Variants in PKHD1 observed in about 807,000 individuals in gnomAD.
PKHD1 encodes PKHD1 ciliary IPT domain containing fibrocystin/polyductin.
PKHD1 carries 291 observed loss-of-function variants against 412.0 expected under a neutral mutation model. The ratio of observed to expected loss-of-function variants is 0.71; its 90% CI spans 0.64 to 0.78. The LOEUF (loss-of-function observed/expected upper bound fraction) is 0.78. PKHD1 is among the 30% of genes least tolerant of loss of function. The pLI is 0.00. For synonymous variants in PKHD1, 1,777 were observed against 1,821.5 expected, an observed-to-expected ratio of 0.98 and a Z score of 0.62; for missense variants, 4,825 against 4,950.7, an observed-to-expected ratio of 0.97 and a Z score of 0.76.
chr6:51,852,594 G>A (rs1298190433), intron 49 of PKHD1, among the ~76,000 whole-genome samples: 1 of 152,104 alleles, frequency 6.6e-6, no homozygotes, highest in Non-Finnish European at 1.5e-5. Flanking sequence ...CCTGTATTGG[G>A]GGCATGTATA....
chr6:51,990,375 A>G (rs780552810), intron 35 of PKHD1, among the ~76,000 whole-genome samples: 2 of 152,120 alleles, frequency 1.3e-5, no homozygotes, highest in African/African-American at 4.8e-5. Flanking sequence ...AACACTGATA[A>G]TATCTGCTCC....
At chr6:51,925,787 T>C (rs1785492635) in intron 37 of PKHD1, among the ~76,000 whole-genome samples, 1 of 152,066 alleles carries the variant, frequency 6.6e-6, no homozygotes, top group Non-Finnish European at 1.5e-5. Context: ...TCCTTCTCTC[T>C]CCCTTCCTCT....
intron 60 of PKHD1, among the ~76,000 whole-genome samples, chr6:51,667,550 T>C (rs1774044613): frequency 6.6e-6 from 1 of 152,176 alleles, no homozygotes; most frequent in African/African-American, 2.4e-5. Context: ...TTTAGTTTAA[T>C]TAGATCCCAT....
At chr6:51,849,468 A>G (rs1185594296) in intron 49 of PKHD1, among the ~76,000 whole-genome samples, 1 of 152,212 alleles carries the variant, frequency 6.6e-6, no homozygotes, top group Admixed American at 6.5e-5. Flanking sequence ...AGGAATTGCC[A>G]TACTGTCTTC....
intron 37 of PKHD1, among the ~76,000 whole-genome samples, chr6:51,917,966 A>C (rs1784089312): frequency 6.6e-6 from 1 of 152,176 alleles, no homozygotes; most frequent in Non-Finnish European, 1.5e-5. Flanking sequence ...CTTAGTGAGA[A>C]AATGGACTTA....
At chr6:51,934,970 G>A (rs1417831271) in intron 36 of PKHD1, among the ~76,000 whole-genome samples, 1 of 152,180 alleles carries the variant, frequency 6.6e-6, no homozygotes. Flanking sequence ...TTAGATCTCA[G>A]TTCCAGTGGT....
intron 60 of PKHD1, among the ~76,000 whole-genome samples, chr6:51,688,020 G>T (rs777521399): frequency 1.6e-4 from 24 of 152,286 alleles, no homozygotes; most frequent in Admixed American, 3.9e-4. Context: ...ACTAGGCAAT[G>T]TGACTTTTTT....
At chr6:51,645,675 G>A (rs956921147) in intron 63 of PKHD1, among the ~76,000 whole-genome samples, 3 of 152,154 alleles carry the variant, frequency 2.0e-5, no homozygotes, top group African/African-American at 2.4e-5. Context: ...TTACAGGCAC[G>A]AACCGCCGTT....
chr6:51,722,592 A>C (rs1424817997), intron 60 of PKHD1, among the ~76,000 whole-genome samples: 2 of 152,244 alleles, frequency 1.3e-5, no homozygotes, highest in African/African-American at 2.4e-5. Context: ...GCAGGCATGC[A>C]AGAGGCACCC....
intron 60 of PKHD1, among the ~76,000 whole-genome samples, chr6:51,660,427 A>G (rs917822159): frequency 6.6e-6 from 1 of 152,080 alleles, no homozygotes; most frequent in African/African-American, 2.4e-5. Context: ...GTGTCACATA[A>G]TTTAACCAAA....
At position 51,710,466 on chromosome 6, in the gene PKHD1, C is replaced by A. The variant is rs138258990; in HGVS notation, c.10156+33919G>T. Among the ~76,000 whole-genome samples, 1,398 of 151,910 alleles carry A rather than the reference C, an allele frequency of 9.2e-3. 19 individuals carry two copies. The highest frequency in any genetic ancestry group is 0.032 in the African/African-American group (1,318 of 41,404). On this transcript the variant is annotated intron_variant, in intron 60 of 66. Transcript: ENST00000371117. Reference sequence around the variant, plus strand: ...AATGACTTTGAAATCACTTTGGAATCTTCACGTCTCAGATTCACCTAACAG... The same window carrying A: ...AATGACTTTGAAATCACTTTGGAATATTCACGTCTCAGATTCACCTAACAG...
chr6:51,716,468 C>G (rs1048551109), intron 60 of PKHD1, among the ~76,000 whole-genome samples: 1 of 152,146 alleles, frequency 6.6e-6, no homozygotes, highest in Non-Finnish European at 1.5e-5. Flanking sequence ...AAGGGGTGCC[C>G]ATTCTCACTT....
chr6:51,714,147 G>T (rs560886086), intron 60 of PKHD1, among the ~76,000 whole-genome samples: 2 of 152,158 alleles, frequency 1.3e-5, no homozygotes, highest in East Asian at 3.9e-4. Flanking sequence ...CGAGGTGGGC[G>T]AATCACGAGA....
Position 52,058,379 on chromosome 6 carries a change from A to G in PKHD1, c.1456T>C (p.Tyr486His). 1 of 1,614,144 alleles carries G rather than the reference A, an allele frequency of 6.2e-7. No individual in the cohort carries two copies. Among genetic ancestry groups the G allele is most frequent in the Non-Finnish European group, 8.5e-7 (1 of 1,180,002 alleles). The change falls in exon 16 of 67, where the codon TAC becomes CAC. Residue 486 changes from tyrosine to histidine, a missense_variant. Tyr to His is a moderately conservative substitution (Grantham distance 83). Coordinates refer to ENST00000371117, the MANE Select transcript of PKHD1 (RefSeq NM_138694.4). The stretch of plus-strand genomic sequence containing the variant: ...CGGATCTGGTGCTTCTCCCGTAGGT[A>G]AGTGGTGACCACATCAGGATTCAGC... Reference protein sequence around the residue: ...TWLNPDVVTTYLREKHQIRVR... With the variant: ...TWLNPDVVTTHLREKHQIRVR...
intron 65 of PKHD1, among the ~76,000 whole-genome samples, chr6:51,628,141 C>T (rs966709353): frequency 2.6e-5 from 4 of 152,068 alleles, no homozygotes; most frequent in African/African-American, 9.7e-5. Context: ...AATTGCATGT[C>T]ACTGGGGTTT....
chr6:51,719,215 T>C (rs1350900152), intron 60 of PKHD1, among the ~76,000 whole-genome samples: 2 of 151,022 alleles, frequency 1.3e-5, no homozygotes, highest in Non-Finnish European at 3.0e-5. Flanking sequence ...TTAAGACAAT[T>C]TTTTTTTTCT....
chr6:51,681,991 C>T (rs1053290772), intron 60 of PKHD1, among the ~76,000 whole-genome samples: 6 of 152,086 alleles, frequency 3.9e-5, no homozygotes, highest in African/African-American at 1.4e-4. Context: ...GAGATGGAAG[C>T]TGATCTTTCA....
intron 55 of PKHD1, among the ~76,000 whole-genome samples, chr6:51,767,520 T>C (rs1789288704): frequency 6.6e-6 from 1 of 152,106 alleles, no homozygotes; most frequent in Non-Finnish European, 1.5e-5. Flanking sequence ...CCTGTGTCCA[T>C]GTGTTCTCAT....
At chr6:51,891,073 A>C (rs915806022) in intron 43 of PKHD1, among the ~76,000 whole-genome samples, 2 of 152,168 alleles carry the variant, frequency 1.3e-5, no homozygotes, top group Non-Finnish European at 2.9e-5. Context: ...CAGCTCAGGG[A>C]GTTTTACTAC....
Sources: allele counts gnomAD v4.1 joint callset (sites outside exome capture counted in the v4.1 genomes callset), GRCh38; gene constraint gnomAD v4.1.1; transcripts MANE v1.5; gene names NCBI Gene and HGNC (gene_info 2026-07-23, HGNC 2026-07-21).